SYT6: variants seen among roughly 807,000 people sequenced by gnomAD.
SYT6 encodes synaptotagmin 6.
SYT6 carries 24 observed loss-of-function variants against 38.4 expected under a neutral mutation model. The observed-to-expected ratio is 0.62, with a 90% confidence interval of 0.45 to 0.88. The LOEUF (loss-of-function observed/expected upper bound fraction) is 0.88, where lower values mean the gene tolerates loss of function less well. SYT6 is among the 40% of genes least tolerant of loss of function. SYT6 has a pLI of 0.00. For missense variants in SYT6, 611 were observed against 621.0 expected (o/e 0.98, Z 0.17); for synonymous variants, 265 against 241.9 (o/e 1.10, Z -0.89).
At position 114,137,820 on chromosome 1, in the gene SYT6, C is replaced by A. The variant is rs139165674; in HGVS notation, c.746G>T (p.Arg249Leu). 47 of 1,613,990 alleles carry A rather than the reference C, an allele frequency of 2.9e-5. No homozygotes were observed. In the Admixed American group the frequency reaches 3.2e-4, roughly 11 times the overall value. Residue 249 changes from arginine (R) to leucine (L), a missense_variant, in exon 3 of 8, where the codon CGT becomes CTT. Arg to Leu is a moderately radical substitution (Grantham distance 102). Coordinates refer to ENST00000610222, the MANE Select transcript of SYT6 (RefSeq NM_001253772.2). ...YDYETETLIV[R>L]ILKAFDLPAK... ...AGGGAGGTCAAAAGCCTTCAGGATA[C>A]GCACAATCAGGGTCTCGGTCTCGTA...
intron 3 of SYT6, among the ~76,000 whole-genome samples, chr1:114,112,239 C>A (rs899875872): frequency 1.3e-5 from 2 of 152,182 alleles, no homozygotes; most frequent in African/African-American, 4.8e-5. Flanking sequence ...GCGGGCACCC[C>A]CAAGCCGGTG....
intron 3 of SYT6, among the ~76,000 whole-genome samples, chr1:114,129,294 A>G (rs545705761): frequency 3.9e-4 from 60 of 152,330 alleles, no homozygotes; most frequent in South Asian, 1.9e-3. Context: ...TAAGACAATC[A>G]CATCCCCACT....
At chr1:114,109,924 A>T (rs1227552127) in intron 3 of SYT6, among the ~76,000 whole-genome samples, 1 of 152,218 alleles carries the variant, frequency 6.6e-6, no homozygotes, top group African/African-American at 2.4e-5. Context: ...CTGGAGAGGG[A>T]TCAACAGTGC....
intron 3 of SYT6, among the ~76,000 whole-genome samples, chr1:114,127,237 T>G (rs3897268): frequency 0.26 from 40,022 of 152,142 alleles, 5,438 homozygotes; most frequent in African/African-American, 0.29. Context: ...GAACAGTTTG[T>G]GGACTTGGAG....
At chr1:114,151,055 C>A (rs1679416001) in intron 1 of SYT6, among the ~76,000 whole-genome samples, 1 of 152,146 alleles carries the variant, frequency 6.6e-6, no homozygotes. Context: ...TTTCATAAAA[C>A]TGCAACAAAT....
At chr1:114,108,237 G>T (rs1676448095) in intron 3 of SYT6, among the ~76,000 whole-genome samples, 1 of 152,154 alleles carries the variant, frequency 6.6e-6, no homozygotes, top group South Asian at 2.1e-4. Context: ...AGGGCATCTG[G>T]AGAGTAAGAT....
At chr1:114,118,807 G>C (rs576002544) in intron 3 of SYT6, among the ~76,000 whole-genome samples, 2 of 152,168 alleles carry the variant, frequency 1.3e-5, no homozygotes, top group Non-Finnish European at 2.9e-5. Flanking sequence ...ATCTCCTGTC[G>C]GTGTCAGCTG....
rs1456109852 is a variant in SYT6 at position 114,103,622 on chromosome 1, T to C, written c.1171A>G (p.Met391Val). ...TVIKCRNLKA[M>V]DITGYSDPYV... ...GTACCTGAATAGCCTGTGATGTCCATCGCCTTGAGGTTCCGACACTTAATC... is the reference window on the plus strand; with the variant it reads ...GTACCTGAATAGCCTGTGATGTCCACCGCCTTGAGGTTCCGACACTTAATC... The change falls in exon 4 of 8, where the codon ATG (methionine) becomes GTG (valine). Residue 391 changes from methionine to valine, a missense_variant. Coordinates refer to ENST00000610222, the MANE Select transcript of SYT6 (RefSeq NM_001253772.2). 1.2e-6 allele frequency: 2 copies of C among 1,614,194 alleles called. No individual in the cohort carries two copies. Among genetic ancestry groups the C allele is most frequent in the South Asian group, 2.2e-5 (2 of 91,076 alleles).
chr1:114,140,471 T>A (rs1434158953), intron 1 of SYT6, among the ~76,000 whole-genome samples: 1 of 152,066 alleles, frequency 6.6e-6, no homozygotes, highest in Non-Finnish European at 1.5e-5. Flanking sequence ...GGCTAACTCA[T>A]CCTCTTTTCT....
rs1553183173 is a variant in SYT6 at position 114,129,838 on chromosome 1, G to GGT, written c.1071+7656_1071+7657insAC. ...ATTACAGGCATGCACCACCACACCT[G>GGT]TTTTTTTTTTTTTTTTTTAATTTTT... On this transcript the variant is annotated intron_variant, in intron 3 of 7. Coordinates refer to ENST00000610222, the MANE Select transcript of SYT6 (RefSeq NM_001253772.2). Among the ~76,000 whole-genome samples, 116 of 106,664 alleles carry GGT rather than the reference G, an allele frequency of 1.1e-3. 2 individuals carry two copies. The highest frequency in any genetic ancestry group is 3.4e-3 in the African/African-American group (60 of 17,852). 70.0% of individuals were successfully genotyped at this position (106,664 alleles called of 152,430 possible).
At chr1:114,118,918 AT>A (rs1012011440) in intron 3 of SYT6, among the ~76,000 whole-genome samples, 6 of 152,192 alleles carry the variant, frequency 3.9e-5, no homozygotes, top group Non-Finnish European at 5.9e-5. Context: ...GCAGCGAGAA[AT>A]CACAGATTCC....
intron 3 of SYT6, among the ~76,000 whole-genome samples, chr1:114,107,897 T>C (rs1368282605): frequency 6.6e-6 from 1 of 152,174 alleles, no homozygotes; most frequent in East Asian, 1.9e-4. Context: ...GCTAGCACAT[T>C]ATTGCTTTCA....
In SYT6 at chr1:114,139,776, G is replaced by T; in HGVS notation, c.351C>A (p.Asp117Glu). 6.2e-7 allele frequency: 1 copy of T among 1,613,178 alleles called. No homozygotes were observed. Among genetic ancestry groups the T allele is most frequent in the Non-Finnish European group, 8.5e-7 (1 of 1,179,438 alleles). Residue 117 changes from aspartate (D) to glutamate (E), a missense_variant, in exon 2 of 8, where the codon GAC becomes GAA. By Grantham distance (45) the Asp-to-Glu change is conservative. Transcript: ENST00000610222. ...CCAGGGTGCTGGGGTCCTTCAGCTT[G>T]TCCGCCATGTTGCCTCTGAAGCTGG... is the stretch of plus-strand genomic sequence containing the variant. ...QSPSFRGNMADKLKDPSTLGF... is the reference protein window; with the variant it reads ...QSPSFRGNMAEKLKDPSTLGF...
chr1:114,099,171 A>G lies in SYT6; in HGVS notation c.1287T>C (p.Asn429=). The G allele has an allele frequency of 1.2e-6, 2 of 1,614,190 alleles. No individual in the cohort carries two copies. Among genetic ancestry groups the G allele is most frequent in the Non-Finnish European group, 1.7e-6 (2 of 1,180,020 alleles). ...IKKNTLNPVY[N]EAIIFDIPPE... ...GGGGAATGTCAAAGATGATGGCCTC[A>G]TTGTAGACAGGATTGAGAGTGTTTT... The change falls in exon 5 of 8, where the codon AAT becomes AAC. Residue 429 remains asparagine, a synonymous_variant. Coordinates refer to ENST00000610222, the MANE Select transcript of SYT6 (RefSeq NM_001253772.2).
intron 5 of SYT6, 32 bp from the exon 6 acceptor site, chr1:114,097,909 T>C: frequency 6.2e-7 from 1 of 1,611,318 alleles, no homozygotes; most frequent in South Asian, 1.1e-5. Flanking sequence ...CAGCACTGGC[T>C]ACCAGACATG....
intron 1 of SYT6, among the ~76,000 whole-genome samples, chr1:114,143,323 T>C (rs886080051): frequency 2.7e-5 from 4 of 149,152 alleles, no homozygotes; most frequent in African/African-American, 9.8e-5. Context: ...CATGTGTACA[T>C]ATATAAATTA....
chr1:114,129,006 T>G (rs959115101), intron 3 of SYT6, among the ~76,000 whole-genome samples: 1 of 152,218 alleles, frequency 6.6e-6, no homozygotes, highest in African/African-American at 2.4e-5. Flanking sequence ...CTATGTAGCA[T>G]CGCCACTTGG....
Position 114,091,157 on chromosome 1 carries a change from G to C in SYT6, c.*977C>G, listed in dbSNP as rs1360901283. 6.5e-6 allele frequency: 1 copy of C among 152,676 alleles called. No individual in the cohort carries two copies. Among genetic ancestry groups the C allele is most frequent in the Non-Finnish European group, 1.5e-5 (1 of 68,028 alleles). The allele number at this position is 152,676 out of a possible 1,614,324, so 9.5% of individuals were successfully genotyped here. On this transcript the variant is annotated 3_prime_UTR_variant, in exon 8 of 8. Coordinates refer to ENST00000610222, the MANE Select transcript of SYT6 (RefSeq NM_001253772.2). ...TTAAACAGCAGCTTGATACTTCATG[G>C]AATTATAAAGCTATGTATAATGCAG...
At chr1:114,127,160 C>A (rs1390694575) in intron 3 of SYT6, among the ~76,000 whole-genome samples, 4 of 152,188 alleles carry the variant, frequency 2.6e-5, no homozygotes, top group African/African-American at 9.7e-5. Context: ...CCCCTGGAGC[C>A]AAGAACAGCT....
Sources: allele counts gnomAD v4.1 joint callset (sites outside exome capture counted in the v4.1 genomes callset), GRCh38; gene constraint gnomAD v4.1.1; transcripts MANE v1.5; gene names NCBI Gene and HGNC (gene_info 2026-07-23, HGNC 2026-07-21).